MLPH: variants seen among roughly 807,000 people sequenced by gnomAD.
MLPH encodes melanophilin.
Under a neutral mutation model 72.1 loss-of-function variants are expected in MLPH, and 51 were observed. The observed-to-expected ratio is 0.71, with a 90% confidence interval of 0.56 to 0.89. The LOEUF (loss-of-function observed/expected upper bound fraction) is 0.89, where lower values mean the gene tolerates loss of function less well. MLPH is among the 40% of genes least tolerant of loss of function. MLPH has a pLI of 0.00. For missense variants in MLPH, 743 were observed against 759.9 expected, an observed-to-expected ratio of 0.98 and a Z score of 0.26; for synonymous variants, 301 against 310.1, an observed-to-expected ratio of 0.97 and a Z score of 0.31.
At chr2:237,494,158 G>A (rs1205208962) in intron 2 of MLPH, among the ~76,000 whole-genome samples, 2 of 151,964 alleles carry the variant, frequency 1.3e-5, no homozygotes, top group East Asian at 1.9e-4. Flanking sequence ...TTAAGCAAAA[G>A]CTGAGAGGAT....
intron 2 of MLPH, among the ~76,000 whole-genome samples, chr2:237,495,508 G>C (rs77479008): frequency 0.027 from 4,074 of 152,318 alleles, 148 homozygotes; most frequent in African/African-American, 0.08. Flanking sequence ...CACCAAGAAA[G>C]GAGAGAGAAG....
intron 8 of MLPH, among the ~76,000 whole-genome samples, chr2:237,528,274 T>C (rs1175004593): frequency 6.6e-6 from 1 of 152,170 alleles, no homozygotes; most frequent in Non-Finnish European, 1.5e-5. Context: ...TTTATATGTA[T>C]TTTATAATTG....
intron 8 of MLPH, 64 bp downstream of exon 8, chr2:237,527,580 A>G: frequency 1.3e-6 from 2 of 1,594,094 alleles, no homozygotes; most frequent in South Asian, 1.1e-5. Context: ...TTACCTCCAC[A>G]CCAAGTCACT....
intron 9 of MLPH, among the ~76,000 whole-genome samples, chr2:237,538,048 G>C (rs563320477): frequency 1.3e-5 from 2 of 152,362 alleles, no homozygotes; most frequent in South Asian, 4.1e-4. Context: ...GCTAACTTGT[G>C]TGACTTCGTC....
chr2:237,499,313 A>G (rs903899918), intron 2 of MLPH, among the ~76,000 whole-genome samples: 1 of 151,978 alleles, frequency 6.6e-6, no homozygotes, highest in African/African-American at 2.4e-5. Context: ...GGCTATTAAA[A>G]TTAATTATAA....
intron 13 of MLPH, among the ~76,000 whole-genome samples, chr2:237,548,973 T>C (rs552517111): frequency 6.6e-6 from 1 of 152,236 alleles, no homozygotes; most frequent in Non-Finnish European, 1.5e-5. Flanking sequence ...AAACTTGTAC[T>C]CTTTCTGCCA....
chr2:237,486,910 G>A (rs571788659), upstream of MLPH, among the ~76,000 whole-genome samples: 1 of 152,148 alleles, frequency 6.6e-6, no homozygotes, highest in East Asian at 1.9e-4. Context: ...AAATTTCGAC[G>A]ATGTGCCGCG....
intron 7 of MLPH, among the ~76,000 whole-genome samples, chr2:237,526,920 A>G (rs1015892175): frequency 4.6e-5 from 7 of 152,198 alleles, no homozygotes; most frequent in Non-Finnish European, 8.8e-5. Context: ...TGTGCACCTC[A>G]GTTTCCTCAT....
chr2:237,516,945 G>GATGGATGGATGGATGGATGGA (rs1559350602), intron 4 of MLPH, among the ~76,000 whole-genome samples: 1 of 109,514 alleles, frequency 9.1e-6, no homozygotes, highest in African/African-American at 4.1e-5. Flanking sequence ...GGATGGATAG[G>GATGGATGGATGGATGGATGGA]TGGATAGGTG....
Position 237,554,009 on chromosome 2 carries a change from C to A in MLPH, c.*417C>A, listed in dbSNP as rs1219248072. On this transcript the variant is annotated 3_prime_UTR_variant, in exon 16 of 16. Coordinates refer to ENST00000264605, the MANE Select transcript of MLPH (RefSeq NM_024101.7). ...TTAAGGCACCAGCCATATGTGTATT[C>A]TTGATGGTCTATATCGGGGTGTGAG... 4 of 355,578 alleles carry A rather than the reference C, an allele frequency of 1.1e-5. No homozygotes were observed. 22.0% of individuals were successfully genotyped at this position (355,578 alleles called of 1,614,324 possible).
At chr2:237,523,773 G>A (rs2080239901) in intron 6 of MLPH, among the ~76,000 whole-genome samples, 1 of 152,158 alleles carries the variant, frequency 6.6e-6, no homozygotes, top group Non-Finnish European at 1.5e-5. Flanking sequence ...GCATAACAGT[G>A]ATAGTTGATC....
At chr2:237,511,146 T>C in intron 4 of MLPH, 45 bp downstream of exon 4, 1 of 1,487,296 alleles carries the variant, frequency 6.7e-7, no homozygotes, top group Non-Finnish European at 9.4e-7. Context: ...CCAGGCATTT[T>C]AGGAATATTA....
intron 2 of MLPH, among the ~76,000 whole-genome samples, chr2:237,498,813 G>A (rs1015186149): frequency 6.6e-5 from 10 of 152,180 alleles, no homozygotes; most frequent in Non-Finnish European, 1.2e-4. Flanking sequence ...CCATAGAATC[G>A]AAAACTTGAA....
rs2080987115 is a variant in MLPH, at chr2:237,549,391, G to A, written c.1675+113G>A. 1.3e-5 allele frequency: 14 copies of A among 1,054,368 alleles called. No individual in the cohort carries two copies. The South Asian group carries it at 1.6e-4, about 12-fold the overall frequency. 65.3% of individuals were successfully genotyped at this position (1,054,368 alleles called of 1,614,324 possible). ...TCATTATCTGTGGGACATATCTCAT[G>A]TCCTGACTCCCAAAAAACATTCCCA... On this transcript the variant is annotated intron_variant, in intron 14 of 15. Coordinates refer to ENST00000264605, the MANE Select transcript of MLPH (RefSeq NM_024101.7).
chr2:237,528,084 G>C (rs1156242465), intron 8 of MLPH, among the ~76,000 whole-genome samples: 1 of 152,116 alleles, frequency 6.6e-6, no homozygotes, highest in Non-Finnish European at 1.5e-5. Flanking sequence ...CAAATTAATA[G>C]AGACAGAAAC....
chr2:237,524,321 A>ATATATAT (rs1559357447), intron 6 of MLPH, among the ~76,000 whole-genome samples: 4 of 146,204 alleles, frequency 2.7e-5, no homozygotes, highest in South Asian at 2.1e-4. Flanking sequence ...ATATATATAT[A>ATATATAT]AAGGGGAGTT....
chr2:237,499,172 G>A (rs1343200797), intron 2 of MLPH, among the ~76,000 whole-genome samples: 1 of 152,176 alleles, frequency 6.6e-6, no homozygotes, highest in Non-Finnish European at 1.5e-5. Context: ...TCACGGCAGA[G>A]TGTTCACTAG....
chr2:237,516,897 T>A (rs56919651), intron 4 of MLPH, among the ~76,000 whole-genome samples: 3 of 88,562 alleles, frequency 3.4e-5, no homozygotes, highest in African/African-American at 1.2e-4. Context: ...GGATGGATGG[T>A]AGGATGGATG....
rs2079915463 is a variant in MLPH at position 237,512,070 on chromosome 2, C to G, written c.445+969C>G. ...TCCTGGATGACTCCATCTGCAAGACCAAGGCGAGTTTCTCCAGGGCCACGA... is the reference window on the plus strand; with the variant it reads ...TCCTGGATGACTCCATCTGCAAGACGAAGGCGAGTTTCTCCAGGGCCACGA... On this transcript the variant is annotated intron_variant, in intron 4 of 15. Transcript: ENST00000264605. This position sits in a 1 kb window ranked among gnomAD's most constrained non-coding sequence, Gnocchi z 5.5. Among the ~76,000 whole-genome samples, 1 of 152,224 alleles carries G rather than the reference C, an allele frequency of 6.6e-6. No homozygotes were observed. Among genetic ancestry groups the G allele is most frequent in the South Asian group, 2.1e-4 (1 of 4,830 alleles).
Sources: gnomAD v4.1 joint callset for allele counts (sites outside exome capture counted in the v4.1 genomes callset) on GRCh38, gnomAD v4.1.1 for gene constraint, Gnocchi (gnomAD v3.1) non-coding constraint, MANE v1.5 for transcripts, NCBI Gene and HGNC (gene_info 2026-07-23, HGNC 2026-07-21) for gene names.